Variants in IRS1 observed in about 807,000 individuals in gnomAD.
IRS1 encodes the protein insulin receptor substrate 1.
In IRS1, 34 loss-of-function variants were observed where a neutral mutation model predicts 65.6. The observed-to-expected ratio is 0.52, with a 90% CI of 0.39 to 0.69. IRS1 has a LOEUF of 0.69. Ranked by LOEUF, IRS1 falls within the 30% of genes least tolerant of loss-of-function variation. The pLI, the probability that IRS1 is intolerant of heterozygous loss-of-function variation, is 0.00. For missense variants in IRS1, 1,641 were observed against 1,720.2 expected (o/e 0.95, Z 0.81); for synonymous variants, 699 against 683.5 (o/e 1.02, Z -0.35).
rs886679302 is a variant in IRS1, at chr2:226,731,797, G to A, written c.*4475C>T. On this transcript the variant is annotated 3_prime_UTR_variant, in exon 2 of 2. Coordinates refer to ENST00000305123, the MANE Select transcript of IRS1 (RefSeq NM_005544.3). The stretch of plus-strand genomic sequence containing the variant: ...GTACTTTGCAAGAAAAAATTGTTTT[G>A]GGAACTACATTCTTAAGCCAATGGT... The A allele has an allele frequency of 1.3e-5, 2 of 151,760 alleles. No individual in the cohort carries two copies. Among genetic ancestry groups the A allele is most frequent in the Non-Finnish European group, 2.9e-5 (2 of 67,954 alleles). 9.4% of individuals were successfully genotyped at this position (151,760 alleles called of 1,614,324 possible).
chr2:226,799,467 G>A lies in IRS1; in HGVS notation c.-729C>T. 1.7e-6 allele frequency: 2 copies of A among 1,189,178 alleles called. No homozygotes were observed. Among genetic ancestry groups the A allele is most frequent in the African/African-American group, 1.7e-5 (1 of 60,024 alleles). The allele number at this position is 1,189,178 out of a possible 1,614,324, so 73.7% of individuals were successfully genotyped here. The stretch of plus-strand genomic sequence containing the variant: ...CGGGTGGAGAAAGTGGCTTTTCCAT[G>A]CGAAACGATACCGGGCAGCCACTGC... On this transcript the variant is annotated 5_prime_UTR_variant, in exon 1 of 2. Transcript: ENST00000305123. The surrounding 1 kb of genome is among the most constrained non-coding windows in gnomAD (Gnocchi z 6.1).
intron 1 of IRS1, among the ~76,000 whole-genome samples, chr2:226,789,828 G>T (rs977379768): frequency 6.6e-6 from 1 of 152,140 alleles, no homozygotes; most frequent in African/African-American, 2.4e-5. Context: ...GTCTAGAGAT[G>T]GTTCCAAAAA....
At chr2:226,764,034 C>T (rs1456378277) in intron 1 of IRS1, among the ~76,000 whole-genome samples, 1 of 151,884 alleles carries the variant, frequency 6.6e-6, no homozygotes, top group African/African-American at 2.4e-5. Context: ...CTCTGTAGTT[C>T]ATGCCAAATG....
chr2:226,791,829 G>C (rs1169756431), intron 1 of IRS1, among the ~76,000 whole-genome samples: 1 of 152,024 alleles, frequency 6.6e-6, no homozygotes, highest in Non-Finnish European at 1.5e-5. Context: ...CACGCGGCCC[G>C]GGAAGGGGCC....
rs1939785982 is a variant in IRS1 at position 226,798,089 on chromosome 2, G to C, written c.650C>G (p.Ser217Trp). The C allele has an allele frequency of 6.2e-7, 1 of 1,613,850 alleles. No individual in the cohort carries two copies. The highest frequency in any genetic ancestry group is 8.5e-7 in the Non-Finnish European group (1 of 1,180,030). Residue 217 changes from serine to tryptophan, a missense_variant, in exon 1 of 2, where the codon TCG (serine) becomes TGG (tryptophan). Around this residue, in one of 3 missense-constraint regions of IRS1, gnomAD observed 77 missense variants for 129.6 expected, o/e 0.59. Coordinates refer to ENST00000305123, the MANE Select transcript of IRS1 (RefSeq NM_005544.3). The surrounding 1 kb of genome is among the most constrained non-coding windows in gnomAD (Gnocchi z 9.4). ...CACCTCGATGAAGAAGAAGTTTTCCGAGTGGCCACAGCGCCTGATGTTCAT... is the reference window on the plus strand; with the variant it reads ...CACCTCGATGAAGAAGAAGTTTTCCCAGTGGCCACAGCGCCTGATGTTCAT... The part of the protein sequence containing the change: ...QLMNIRRCGH[S>W]ENFFFIEVGR...
chr2:226,782,953 T>C (rs1443130040), intron 1 of IRS1, among the ~76,000 whole-genome samples: 1 of 152,182 alleles, frequency 6.6e-6, no homozygotes, highest in East Asian at 1.9e-4. Flanking sequence ...CGAGCCAAGA[T>C]CACACCACTG....
rs186805510 is a variant in IRS1 at position 226,799,371 on chromosome 2, C to T, written c.-633G>A. 6 of 1,196,900 alleles carry T rather than the reference C, an allele frequency of 5.0e-6. No individual in the cohort carries two copies. The highest frequency in any genetic ancestry group is 6.4e-6 in the Non-Finnish European group (6 of 937,688). 74.1% of individuals were successfully genotyped at this position (1,196,900 alleles called of 1,614,324 possible). On this transcript the variant is annotated 5_prime_UTR_variant, in exon 1 of 2. Coordinates refer to ENST00000305123, the MANE Select transcript of IRS1 (RefSeq NM_005544.3). This position sits in a 1 kb window ranked among gnomAD's most constrained non-coding sequence, Gnocchi z 6.1. ...GGCGCTGCGGCTGTTGCTGTTGCTG[C>T]TGCTGCTGCTGCTGCTGCTGCCGCC...
At chr2:226,771,118 T>C (rs933540378) in intron 1 of IRS1, among the ~76,000 whole-genome samples, 15 of 152,112 alleles carry the variant, frequency 9.9e-5, no homozygotes, top group African/African-American at 3.4e-4. Flanking sequence ...TGGGCTGTGT[T>C]GTTTGTGATT....
At chr2:226,782,908 G>C (rs1000411941) in intron 1 of IRS1, among the ~76,000 whole-genome samples, 3 of 152,196 alleles carry the variant, frequency 2.0e-5, no homozygotes, top group Non-Finnish European at 2.9e-5. Context: ...GCTAAGGTAG[G>C]AGAATCGCTG....
chr2:226,745,812 G>A (rs569217319), intron 1 of IRS1, among the ~76,000 whole-genome samples: 1 of 152,108 alleles, frequency 6.6e-6, no homozygotes, highest in African/African-American at 2.4e-5. Flanking sequence ...TAGCAAGCAA[G>A]GATGAATCCA....
In IRS1 at chr2:226,799,139, AGCGCGCGC is replaced by A. The variant is rs140103054; in HGVS notation, c.-409_-402del. The A allele has an allele frequency of 1.8e-5, 20 of 1,118,464 alleles. No homozygotes were observed. The highest frequency in any genetic ancestry group is 4.7e-5 in the Admixed American group (1 of 21,146). 69.3% of individuals were successfully genotyped at this position (1,118,464 alleles called of 1,614,324 possible). On this transcript the variant is annotated 5_prime_UTR_variant, in exon 1 of 2. An upstream open reading frame in the 5' UTR loses its in-frame stop. Transcript: ENST00000305123. This position sits in a 1 kb window ranked among gnomAD's most constrained non-coding sequence, Gnocchi z 6.1. ...GGGGTCCCTGCGGTGCCCCTCCAGGAGCGCGCGCGCGCGCGCGCCTTCCCTCCTGAGTT... is the reference window on the plus strand; with the variant it reads ...GGGGTCCCTGCGGTGCCCCTCCAGGAGCGCGCGCGCCTTCCCTCCTGAGTT...
intron 1 of IRS1, among the ~76,000 whole-genome samples, chr2:226,772,070 T>A (rs954431014): frequency 6.6e-6 from 1 of 152,202 alleles, no homozygotes; most frequent in East Asian, 1.9e-4. Context: ...CACTGTTGTA[T>A]CTTTTCAGGC....
At chr2:226,753,431 G>A (rs1938721899) in intron 1 of IRS1, among the ~76,000 whole-genome samples, 1 of 152,176 alleles carries the variant, frequency 6.6e-6, no homozygotes, top group Admixed American at 6.5e-5. Context: ...TGTCTAGGCA[G>A]AGTAGAATCA....
chr2:226,772,896 C>T (rs547479071), intron 1 of IRS1, among the ~76,000 whole-genome samples: 2 of 152,120 alleles, frequency 1.3e-5, no homozygotes, highest in Non-Finnish European at 2.9e-5. Flanking sequence ...TAGGACACTT[C>T]CCAAAATAGC....
chr2:226,741,622 A>G (rs1938438215), intron 1 of IRS1, among the ~76,000 whole-genome samples: 2 of 152,048 alleles, frequency 1.3e-5, no homozygotes, highest in South Asian at 4.1e-4. Flanking sequence ...ATTAAACTGC[A>G]TACCCCTCCC....
At position 226,776,455 on chromosome 2, in the gene IRS1, C is replaced by T. The variant is rs552635551; in HGVS notation, c.*21+18534G>A. 4.4e-4 allele frequency among the ~76,000 whole-genome samples: 67 copies of T among 152,006 alleles called. No homozygotes were observed. The South Asian group carries it at 4.6e-3, about 10-fold the overall frequency. On this transcript the variant is annotated intron_variant, in intron 1 of 1. Transcript: ENST00000305123. ...TGCCAAAGAGCACAATATGGAAAGG[C>T]GGGAAAAGGCTAAATTTATAGCAGA...
At position 226,732,491 on chromosome 2, in the gene IRS1, T is replaced by TATAC. The variant is rs1438926028; in HGVS notation, c.*3780_*3781insGTAT. On this transcript the variant is annotated 3_prime_UTR_variant, in exon 2 of 2. Coordinates refer to ENST00000305123, the MANE Select transcript of IRS1 (RefSeq NM_005544.3). ...ATCTATATATATATATATATATATA[T>TATAC]ACACACACACACATATGTGTATCTA... 207 of 145,678 alleles carry TATAC rather than the reference T, an allele frequency of 1.4e-3. 1 individual carries two copies. The highest frequency in any genetic ancestry group is 7.1e-3 in the Middle Eastern group (2 of 280). The allele number at this position is 145,678 out of a possible 1,614,324, so 9.0% of individuals were successfully genotyped here. A position where few individuals can be genotyped will look rare whatever the true frequency, so the allele number is the denominator to read the frequency against.
chr2:226,760,250 A>T (rs1181758981), intron 1 of IRS1, among the ~76,000 whole-genome samples: 4 of 152,120 alleles, frequency 2.6e-5, no homozygotes, highest in South Asian at 4.1e-4. Context: ...CACAAATTAA[A>T]TTTTTTTCTT....
At chr2:226,737,695 C>T (rs1397939587) in intron 1 of IRS1, among the ~76,000 whole-genome samples, 3 of 152,110 alleles carry the variant, frequency 2.0e-5, no homozygotes, top group Non-Finnish European at 2.9e-5. Context: ...TAGCTCTAGA[C>T]ACATGGAGGA....
Sources: allele counts gnomAD v4.1 joint callset (sites outside exome capture counted in the v4.1 genomes callset), GRCh38; gene constraint gnomAD v4.1.1; regional missense constraint gnomAD v4.1.1; non-coding constraint Gnocchi (gnomAD v3.1); transcripts MANE v1.5; gene names NCBI Gene and HGNC (gene_info 2026-07-23, HGNC 2026-07-21).